Variants in IKZF3 observed in about 807,000 individuals in gnomAD.
IKZF3 encodes IKAROS family zinc finger 3, also known as zinc finger protein Aiolos.
Under a neutral mutation model 49.0 loss-of-function variants are expected in IKZF3, and 10 were observed. The ratio of observed to expected loss-of-function variants is 0.20; its 90% CI spans 0.13 to 0.35. IKZF3 has a LOEUF of 0.35. Among genes scored for constraint, IKZF3 ranks in the 10% least tolerant of loss-of-function variants. The pLI is 1.00. For synonymous variants in IKZF3, 209 were observed against 228.2 expected, an observed-to-expected ratio of 0.92 and a Z score of 0.76; for missense variants, 498 against 664.8, an observed-to-expected ratio of 0.75 and a Z score of 2.76.
chr17:39,853,217 C>T (rs180843328), intron 1 of IKZF3, among the ~76,000 whole-genome samples: 226 of 152,208 alleles, frequency 1.5e-3, no homozygotes, highest in African/African-American at 5.2e-3. Flanking sequence ...GCTTTGTCTG[C>T]CTTTTTTACC....
intron 6 of IKZF3, chr17:39,778,213 G>A (rs2060639891): frequency 4.1e-6 from 4 of 985,094 alleles, no homozygotes; most frequent in Non-Finnish European, 4.8e-6. Context: ...TATGTTAACA[G>A]CACTTTTGAA....
At chr17:39,770,702 AT>A (rs1230148405) in intron 7 of IKZF3, among the ~76,000 whole-genome samples, 1 of 151,498 alleles carries the variant, frequency 6.6e-6, no homozygotes. Flanking sequence ...ATATACAATA[AT>A]CCCAATAATG....
intron 3 of IKZF3, among the ~76,000 whole-genome samples, chr17:39,805,666 A>G (rs765989914): frequency 5.3e-5 from 8 of 152,234 alleles, no homozygotes; most frequent in Non-Finnish European, 1.5e-5. Context: ...GTGAATGTAC[A>G]ACATTAAAAG....
chr17:39,860,041 G>A (rs944441185), intron 1 of IKZF3, among the ~76,000 whole-genome samples: 1 of 152,102 alleles, frequency 6.6e-6, no homozygotes, highest in South Asian at 2.1e-4. Flanking sequence ...AGACCAACCT[G>A]ACCAACATAG....
intron 6 of IKZF3, among the ~76,000 whole-genome samples, chr17:39,781,200 C>A (rs1459834614): frequency 6.6e-6 from 1 of 152,178 alleles, no homozygotes; most frequent in Non-Finnish European, 1.5e-5. Flanking sequence ...TATTTCCTTT[C>A]ACACAAAACC....
chr17:39,862,552 G>T (rs1000237024), intron 1 of IKZF3, among the ~76,000 whole-genome samples: 2 of 152,010 alleles, frequency 1.3e-5, no homozygotes, highest in African/African-American at 4.8e-5. Context: ...TACTCTATAC[G>T]CAAGGACCTG....
chr17:39,773,716 A>G (rs1301687921), intron 7 of IKZF3, among the ~76,000 whole-genome samples: 1 of 152,196 alleles, frequency 6.6e-6, no homozygotes, highest in East Asian at 1.9e-4. Flanking sequence ...AAATGTAGTC[A>G]TTTTTCTTCT....
At chr17:39,806,159 T>C (rs2061427915) in intron 3 of IKZF3, among the ~76,000 whole-genome samples, 1 of 152,196 alleles carries the variant, frequency 6.6e-6, no homozygotes, top group Non-Finnish European at 1.5e-5. Flanking sequence ...TCATTTGTGT[T>C]GCAGTAATGA....
intron 3 of IKZF3, among the ~76,000 whole-genome samples, chr17:39,817,432 G>T (rs924177610): frequency 6.6e-6 from 1 of 152,038 alleles, no homozygotes; most frequent in Non-Finnish European, 1.5e-5. Flanking sequence ...TCTAATTCTA[G>T]TCTTCTTTTT....
intron 3 of IKZF3, among the ~76,000 whole-genome samples, chr17:39,827,846 T>C (rs2061999178): frequency 6.6e-6 from 1 of 152,056 alleles, no homozygotes; most frequent in Non-Finnish European, 1.5e-5. Context: ...TAAAATAGGG[T>C]AAGGTATAGG....
At chr17:39,785,059 G>A (rs956591507) in intron 6 of IKZF3, among the ~76,000 whole-genome samples, 1 of 152,130 alleles carries the variant, frequency 6.6e-6, no homozygotes, top group African/African-American at 2.4e-5. Flanking sequence ...TGACGGATGA[G>A]GCATAAGATG....
At chr17:39,768,189 T>C (rs919117289) in intron 7 of IKZF3, among the ~76,000 whole-genome samples, 4 of 152,140 alleles carry the variant, frequency 2.6e-5, no homozygotes, top group African/African-American at 9.7e-5. Context: ...CAGGCATCGG[T>C]GAGACAATTT....
rs139539885 is a variant in IKZF3, at chr17:39,766,086, G to A, written c.1234C>T (p.Arg412Cys). Residue 412 changes from arginine (R) to cysteine (C), a missense_variant, in exon 8 of 8, where the codon CGC becomes TGC. By Grantham distance (180) the Arg-to-Cys change is radical. Transcript: ENST00000346872. Reference sequence around the variant, plus strand: ...TCCTTCAGAAGTGGCATCCCATTGCGGGCCCGAGACAGGACCATGTGATTT... The same window carrying A: ...TCCTTCAGAAGTGGCATCCCATTGCAGGCCCGAGACAGGACCATGTGATTT... ...QQNHMVLSRA[R>C]NGMPLLKEVP... 8 of 1,614,040 alleles carry A rather than the reference G, an allele frequency of 5.0e-6. No individual in the cohort carries two copies. Among genetic ancestry groups the A allele is most frequent in the African/African-American group, 2.7e-5 (2 of 74,910 alleles).
intron 1 of IKZF3, 142 bp downstream of exon 1, chr17:39,863,978 G>T: frequency 2.7e-6 from 3 of 1,118,002 alleles, no homozygotes; most frequent in Non-Finnish European, 2.7e-6. Context: ...GACGCGCTTT[G>T]TCCTCTGAAA....
At chr17:39,836,838 T>C (rs889299299) in intron 1 of IKZF3, among the ~76,000 whole-genome samples, 1 of 152,248 alleles carries the variant, frequency 6.6e-6, no homozygotes, top group Non-Finnish European at 1.5e-5. Context: ...TACCATACAA[T>C]GCTAATTCTT....
At chr17:39,831,972 T>C (rs1200899443) in intron 2 of IKZF3, 126 bp downstream of exon 2, 1 of 668,130 alleles carries the variant, frequency 1.5e-6, no homozygotes, top group South Asian at 2.0e-5. Flanking sequence ...CAGACAACCA[T>C]ATTTAAAAAA....
intron 3 of IKZF3, among the ~76,000 whole-genome samples, chr17:39,820,699 C>G (rs557654286): frequency 6.6e-6 from 1 of 152,098 alleles, no homozygotes; most frequent in Non-Finnish European, 1.5e-5. Flanking sequence ...GTATTCATAA[C>G]GAGCCCCTTT....
At chr17:39,807,544 A>ATTTTTTTTTTTTTTTTTTTTTTTTTTTTT (rs890371023) in intron 3 of IKZF3, among the ~76,000 whole-genome samples, 1 of 80,782 alleles carries the variant, frequency 1.2e-5, no homozygotes, top group Non-Finnish European at 2.2e-5. Context: ...GACTATTTAA[A>ATTTTTTTTTTTTTTTTTTTTTTTTTTTTT]TTTTTTTTTT....
chr17:39,772,101 G>C (rs1259510057), intron 7 of IKZF3, among the ~76,000 whole-genome samples: 1 of 152,076 alleles, frequency 6.6e-6, no homozygotes. Flanking sequence ...ACAAGAGTGA[G>C]ATATTACACA....
Sources: gnomAD v4.1 joint callset for allele counts (sites outside exome capture counted in the v4.1 genomes callset) on GRCh38, gnomAD v4.1.1 for gene constraint, MANE v1.5 for transcripts, NCBI Gene and HGNC (gene_info 2026-07-23, HGNC 2026-07-21) for gene names.